The following ASB3 variants were observed in gnomAD, a reference collection of about 807,000 sequenced individuals.
ASB3 encodes ankyrin repeat and SOCS box protein 3.
Under a neutral mutation model 54.5 loss-of-function variants are expected in ASB3, and 41 were observed. That is an observed-to-expected ratio of 0.75 (90% CI 0.59 to 0.98). The LOEUF is 0.98. Ranked by LOEUF, ASB3 falls within the 50% of genes least tolerant of loss-of-function variation. The pLI, the probability that ASB3 is intolerant of heterozygous loss-of-function variation, is 0.00. For missense variants in ASB3, 733 were observed against 620.0 expected (o/e 1.18, Z -1.94); for synonymous variants, 266 against 221.2 (o/e 1.20, Z -1.80).
At chr2:53,751,675 T>TG (rs1672521772) in intron 2 of ASB3, among the ~76,000 whole-genome samples, 3 of 145,412 alleles carry the variant, frequency 2.1e-5, no homozygotes, top group African/African-American at 5.0e-5. Context: ...AAACAGAAAA[T>TG]AAAAAAAAAA....
intron 3 of ASB3, among the ~76,000 whole-genome samples, chr2:53,742,718 G>T (rs1057448461): frequency 7.1e-6 from 1 of 141,816 alleles, no homozygotes; most frequent in African/African-American, 2.7e-5. Flanking sequence ...CATTTCTGAA[G>T]AGGAACATAG....
At chr2:53,749,412 T>G (rs1204907912) in intron 3 of ASB3, among the ~76,000 whole-genome samples, 1 of 152,130 alleles carries the variant, frequency 6.6e-6, no homozygotes, top group Non-Finnish European at 1.5e-5. Flanking sequence ...TTCCCAAAGT[T>G]AAACATATAT....
chr2:53,719,831 G>C (rs897319904), intron 5 of ASB3, among the ~76,000 whole-genome samples: 6 of 152,080 alleles, frequency 3.9e-5, no homozygotes, highest in African/African-American at 7.2e-5. Context: ...CTCTTACAAG[G>C]GGGGAGGATC....
At chr2:53,758,121 T>A (rs773387735) in intron 2 of ASB3, among the ~76,000 whole-genome samples, 2 of 152,210 alleles carry the variant, frequency 1.3e-5, no homozygotes, top group Admixed American at 1.3e-4. Flanking sequence ...AAACCTATAA[T>A]TGATAACTGA....
intron 7 of ASB3, among the ~76,000 whole-genome samples, chr2:53,713,318 G>A (rs1670209110): frequency 6.6e-6 from 1 of 152,178 alleles, no homozygotes; most frequent in Non-Finnish European, 1.5e-5. Context: ...GTGAATTCAA[G>A]AAGGCCAATA....
rs757738523 is a variant in ASB3, at chr2:53,670,292, ATTTTTT to A, written c.*205_*210del. The A allele has an allele frequency of 3.5e-3, 622 of 178,626 alleles. 1 individual carries two copies. The highest frequency in any genetic ancestry group is 8.7e-3 in the Middle Eastern group (4 of 458). 11.1% of individuals were successfully genotyped at this position (178,626 alleles called of 1,614,324 possible). On this transcript the variant is annotated 3_prime_UTR_variant, in exon 10 of 10. Coordinates refer to ENST00000263634, the MANE Select transcript of ASB3 (RefSeq NM_016115.5). ...TAAAGTAATATAAGTGATGTTTACA[ATTTTTT>A]TTTTTTTTTTTTTTTTTTTTACTGG...
At chr2:53,760,258 T>C (rs1156970134) in intron 2 of ASB3, among the ~76,000 whole-genome samples, 2 of 152,066 alleles carry the variant, frequency 1.3e-5, no homozygotes, top group African/African-American at 4.8e-5. Context: ...CATGCAACAA[T>C]ATGGAGAGAA....
chr2:53,753,018 A>C (rs1672607621), intron 2 of ASB3, among the ~76,000 whole-genome samples: 1 of 152,192 alleles, frequency 6.6e-6, no homozygotes, highest in Non-Finnish European at 1.5e-5. Flanking sequence ...CTTACAGCAG[A>C]AAGAGTGAAC....
At position 53,741,373 on chromosome 2, in the gene ASB3, A is replaced by C. The variant is rs999749931; in HGVS notation, c.355+9410T>G. ...GTCACAAACTGGCTGTCAATGTGCA[A>C]ATTGTTATCAGTCCTCAACAAGGTA... is the stretch of plus-strand genomic sequence containing the variant. On this transcript the variant is annotated intron_variant, in intron 3 of 9. Coordinates refer to ENST00000263634, the MANE Select transcript of ASB3 (RefSeq NM_016115.5). Among the ~76,000 whole-genome samples the C allele has an allele frequency of 3.9e-5, 6 of 152,340 alleles. No homozygotes were observed. In the South Asian group the frequency reaches 1.2e-3, roughly 32 times the overall value.
chr2:53,705,949 C>T (rs200026274), intron 7 of ASB3, among the ~76,000 whole-genome samples: 15,609 of 152,176 alleles, frequency 0.1, 963 homozygotes, highest in Non-Finnish European at 0.14. Flanking sequence ...GGCACACATC[C>T]GGGCAAGGTG....
At chr2:53,699,765 T>C (rs1312790207) in intron 8 of ASB3, among the ~76,000 whole-genome samples, 2 of 152,122 alleles carry the variant, frequency 1.3e-5, no homozygotes, top group African/African-American at 4.8e-5. Context: ...TGACTCGGCG[T>C]TTGTATAATC....
At chr2:53,709,427 T>A (rs1669968308) in intron 7 of ASB3, among the ~76,000 whole-genome samples, 1 of 152,200 alleles carries the variant, frequency 6.6e-6, no homozygotes, top group African/African-American at 2.4e-5. Flanking sequence ...TAAAGGGCCT[T>A]CTTTCTTTGC....
intron 8 of ASB3, among the ~76,000 whole-genome samples, chr2:53,695,040 A>G (rs955079134): frequency 2.6e-5 from 4 of 151,948 alleles, no homozygotes; most frequent in Non-Finnish European, 4.4e-5. Context: ...ATGGTTGGAG[A>G]AAAAAAAGTC....
intron 5 of ASB3, among the ~76,000 whole-genome samples, chr2:53,717,195 G>T (rs1280749065): frequency 6.6e-6 from 1 of 152,120 alleles, no homozygotes; most frequent in Non-Finnish European, 1.5e-5. Flanking sequence ...GCATTCTGGG[G>T]CCCAATAAGT....
Position 53,700,278 on chromosome 2 carries a change from T to G in ASB3, c.1231A>C (p.Asn411His). ...AGFDPLILLCNSWIDSVSIDT... is the reference protein window; with the variant it reads ...AGFDPLILLCHSWIDSVSIDT... ...TATGGTAGAATTTCTTACCAAGAAT[T>G]GCACAGTAGAATCAGTGGGTCAAAT... The change falls in exon 8 of 10, where the codon AAT (asparagine) becomes CAT (histidine). Residue 411 changes from asparagine to histidine, a missense_variant. Coordinates refer to ENST00000263634, the MANE Select transcript of ASB3 (RefSeq NM_016115.5). 6.2e-7 allele frequency: 1 copy of G among 1,612,516 alleles called. No homozygotes were observed.
chr2:53,773,526 G>A (rs1674094527), intron 1 of ASB3, among the ~76,000 whole-genome samples: 1 of 152,068 alleles, frequency 6.6e-6, no homozygotes, highest in Non-Finnish European at 1.5e-5. Context: ...TGCCACCCGG[G>A]TTCAAGCAAT....
intron 9 of ASB3, among the ~76,000 whole-genome samples, chr2:53,680,114 T>A (rs1208561180): frequency 6.6e-6 from 1 of 152,236 alleles, no homozygotes; most frequent in South Asian, 2.1e-4. Flanking sequence ...ATGGTGCGTA[T>A]GTACCACATT....
chr2:53,728,809 T>G lies in ASB3; in HGVS notation c.507A>C (p.Gly169=). The G allele has an allele frequency of 1.2e-6, 2 of 1,612,232 alleles. No individual in the cohort carries two copies. The highest frequency in any genetic ancestry group is 1.7e-6 in the Non-Finnish European group (2 of 1,179,000). The change falls in exon 5 of 10, where the codon GGA becomes GGC. Residue 169 remains glycine, a synonymous_variant. Coordinates refer to ENST00000263634, the MANE Select transcript of ASB3 (RefSeq NM_016115.5). ...AGTCATCCTGGCATTCCTTGTTTGCTCCTTTTCTAAGAAGCAATTTTATGA... is the reference window on the plus strand; with the variant it reads ...AGTCATCCTGGCATTCCTTGTTTGCGCCTTTTCTAAGAAGCAATTTTATGA... The part of the protein sequence containing the change: ...AEIIKLLLRK[G]ANKECQDDFG...
chr2:53,677,554 T>A (rs1159236017), intron 9 of ASB3, among the ~76,000 whole-genome samples: 1 of 152,232 alleles, frequency 6.6e-6, no homozygotes, highest in Non-Finnish European at 1.5e-5. Context: ...TAACAACATT[T>A]GCTAATAAGG....
Sources: gnomAD v4.1 joint callset for allele counts (sites outside exome capture counted in the v4.1 genomes callset) on GRCh38, gnomAD v4.1.1 for gene constraint, MANE v1.5 for transcripts, NCBI Gene and HGNC (gene_info 2026-07-23, HGNC 2026-07-21) for gene names.